YES1: variants seen among roughly 807,000 people sequenced by gnomAD.
YES1 encodes tyrosine-protein kinase Yes.
Under a neutral mutation model 70.4 loss-of-function variants are expected in YES1, and 39 were observed. The observed-to-expected ratio is 0.55, with a 90% CI of 0.43 to 0.72. YES1 has a LOEUF of 0.72. YES1 is among the 30% of genes least tolerant of loss of function. YES1 has a pLI of 0.00. For missense variants in YES1, 495 were observed against 644.8 expected (o/e 0.77, Z 2.52); for synonymous variants, 198 against 218.6 (o/e 0.91, Z 0.83).
At chr18:799,800 C>G (rs1316183653) in intron 1 of YES1, among the ~76,000 whole-genome samples, 1 of 151,992 alleles carries the variant, frequency 6.6e-6, no homozygotes. Flanking sequence ...ACTTGGGAGG[C>G]TGAGGTGAGA....
chr18:732,130 C>G (rs1470422735), intron 11 of YES1, among the ~76,000 whole-genome samples: 1 of 151,110 alleles, frequency 6.6e-6, no homozygotes, highest in African/African-American at 2.4e-5. Flanking sequence ...GAAAACAAGG[C>G]AAGTACATAT....
intron 1 of YES1, among the ~76,000 whole-genome samples, chr18:790,082 CAA>C (rs1192416909): frequency 1.3e-5 from 2 of 151,566 alleles, no homozygotes; most frequent in Non-Finnish European, 2.9e-5. Context: ...ATAAAATAAA[CAA>C]AAGATTCCCG....
chr18:764,145 T>C (rs1181830196), intron 1 of YES1, among the ~76,000 whole-genome samples: 2 of 152,036 alleles, frequency 1.3e-5, no homozygotes, highest in African/African-American at 4.8e-5. Flanking sequence ...GAAAAAGTCA[T>C]TCATTCTTCA....
chr18:792,271 T>A (rs1200967542), intron 1 of YES1, among the ~76,000 whole-genome samples: 2 of 152,080 alleles, frequency 1.3e-5, no homozygotes, highest in African/African-American at 4.8e-5. Flanking sequence ...GCCACTGTAC[T>A]CCAGCCTGGA....
chr18:811,593 T>C lies in YES1; in HGVS notation c.-9+521A>G, dbSNP rs563946534. On this transcript the variant is annotated intron_variant, in intron 1 of 11. Coordinates refer to ENST00000314574, the MANE Select transcript of YES1 (RefSeq NM_005433.4). The stretch of plus-strand genomic sequence containing the variant: ...CCCCAACCCAAAACAAAGGAAAACT[T>C]TAAACATGTTGCGGTTTTCAATCAA... Among the ~76,000 whole-genome samples the C allele has an allele frequency of 1.5e-3, 222 of 152,076 alleles. 2 individuals carry two copies. The highest frequency in any genetic ancestry group is 3.4e-3 in the Middle Eastern group (1 of 294).
upstream of YES1, among the ~76,000 whole-genome samples, chr18:812,745 G>C (rs758773950): frequency 3.3e-5 from 5 of 152,212 alleles, no homozygotes; most frequent in African/African-American, 7.2e-5. Context: ...CCTTGGCCCA[G>C]CTCTCAGTAG....
intron 11 of YES1, among the ~76,000 whole-genome samples, chr18:726,999 T>C (rs2080028895): frequency 6.6e-6 from 1 of 152,104 alleles, no homozygotes; most frequent in African/African-American, 2.4e-5. Flanking sequence ...GGAAAGTTCT[T>C]TCCAAATCCT....
chr18:802,287 G>A (rs184038082), intron 1 of YES1, among the ~76,000 whole-genome samples: 2 of 152,260 alleles, frequency 1.3e-5, no homozygotes, highest in African/African-American at 4.8e-5. Flanking sequence ...AGAAAGTATT[G>A]CCAGGCGTGG....
chr18:806,887 A>T (rs1269926571), intron 1 of YES1, among the ~76,000 whole-genome samples: 1 of 152,216 alleles, frequency 6.6e-6, no homozygotes, highest in Non-Finnish European at 1.5e-5. Flanking sequence ...CTCCATCCCA[A>T]ATGCCAAACC....
At chr18:792,125 T>C (rs1052480890) in intron 1 of YES1, among the ~76,000 whole-genome samples, 9 of 152,076 alleles carry the variant, frequency 5.9e-5, no homozygotes, top group Non-Finnish European at 1.2e-4. Context: ...ATTAATAATA[T>C]TAATTCACCA....
At chr18:726,695 C>T (rs184041998) in intron 11 of YES1, among the ~76,000 whole-genome samples, 1 of 134,896 alleles carries the variant, frequency 7.4e-6, no homozygotes, top group African/African-American at 2.8e-5. Context: ...GCAGGAGAAT[C>T]ACTTGAACCT....
rs114764425 is a variant in YES1 at position 724,224 on chromosome 18, G to A, written c.*200C>T. ...CTATTTTGTTTGGACCCTGAAATACGCTGATAAATTCATCATTGGTACATT... is the reference window on the plus strand; with the variant it reads ...CTATTTTGTTTGGACCCTGAAATACACTGATAAATTCATCATTGGTACATT... On this transcript the variant is annotated 3_prime_UTR_variant, in exon 12 of 12. Coordinates refer to ENST00000314574, the MANE Select transcript of YES1 (RefSeq NM_005433.4). 390 of 565,210 alleles carry A rather than the reference G, an allele frequency of 6.9e-4. 1 individual carries two copies. The highest frequency in any genetic ancestry group is 6.2e-3 in the African/African-American group (329 of 53,396). The allele number at this position is 565,210 out of a possible 1,614,324, so 35.0% of individuals were successfully genotyped here.
chr18:788,158 A>C (rs546432342), intron 1 of YES1, among the ~76,000 whole-genome samples: 1 of 152,340 alleles, frequency 6.6e-6, no homozygotes, highest in African/African-American at 2.4e-5. Flanking sequence ...GAAGTAAAAA[A>C]ATTAATATGG....
At position 805,225 on chromosome 18, in the gene YES1, A is replaced by G. The variant is rs73945604; in HGVS notation, c.-9+6889T>C. ...AGCTGACTACAACCTTGGGCCATAT[A>G]GTATGGCCTATTTCTCTCAGGCTAC... On this transcript the variant is annotated intron_variant, in intron 1 of 11. Transcript: ENST00000314574. Among the ~76,000 whole-genome samples the G allele has an allele frequency of 4.2e-3, 644 of 152,336 alleles. 3 individuals carry two copies. The highest frequency in any genetic ancestry group is 0.015 in the African/African-American group (607 of 41,570).
At chr18:753,580 G>C (rs2080369792) in intron 2 of YES1, among the ~76,000 whole-genome samples, 1 of 152,096 alleles carries the variant, frequency 6.6e-6, no homozygotes, top group African/African-American at 2.4e-5. Context: ...TCACCTCCTG[G>C]GTTCAAGCTA....
At chr18:749,241 C>T (rs1598903886) in intron 3 of YES1, among the ~76,000 whole-genome samples, 2 of 152,116 alleles carry the variant, frequency 1.3e-5, no homozygotes, top group African/African-American at 4.8e-5. Flanking sequence ...CGCCTGCAAT[C>T]CCAGTACTTT....
intron 8 of YES1, among the ~76,000 whole-genome samples, chr18:742,410 G>A (rs2080226091): frequency 6.6e-6 from 1 of 151,202 alleles, no homozygotes. Flanking sequence ...CCTGAGGCCA[G>A]GAGTTCAAGA....
intron 1 of YES1, among the ~76,000 whole-genome samples, chr18:785,052 A>G (rs764816566): frequency 3.2e-4 from 49 of 152,186 alleles, no homozygotes; most frequent in Non-Finnish European, 5.6e-4. Flanking sequence ...ACTAAGCAAC[A>G]TAACTGTTAA....
chr18:766,490 TG>T (rs1259670971), intron 1 of YES1, among the ~76,000 whole-genome samples: 1 of 151,660 alleles, frequency 6.6e-6, no homozygotes, highest in Non-Finnish European at 1.5e-5. Context: ...TTCGTATTTA[TG>T]GAAGTATTCC....
Sources: allele counts gnomAD v4.1 joint callset (sites outside exome capture counted in the v4.1 genomes callset), GRCh38; gene constraint gnomAD v4.1.1; transcripts MANE v1.5; gene names NCBI Gene and HGNC (gene_info 2026-07-23, HGNC 2026-07-21).